ENTREP2: variants seen among roughly 807,000 people sequenced by gnomAD.
ENTREP2 encodes the protein protein ENTREP2.
the ENTREP2 span, among the ~76,000 whole-genome samples, chr15:29,421,893 C>CG: frequency 2.6e-5 from 4 of 152,178 alleles, no homozygotes; most frequent in African/African-American, 9.7e-5. Context: ...TCATGAGTAA[C>CG]GGACTCTAAG....
the ENTREP2 span, among the ~76,000 whole-genome samples, chr15:29,294,138 T>C: frequency 6.6e-6 from 1 of 151,470 alleles, no homozygotes; most frequent in East Asian, 1.9e-4. Flanking sequence ...AGACTTAGGG[T>C]GGGTATGGGC....
chr15:29,534,287 C>T, the ENTREP2 span, among the ~76,000 whole-genome samples: 1 of 152,056 alleles, frequency 6.6e-6, no homozygotes, highest in East Asian at 1.9e-4. Context: ...GAGAAATACA[C>T]ACTAAAAAGG....
chr15:29,565,296 C>T, the ENTREP2 span, among the ~76,000 whole-genome samples: 1 of 152,110 alleles, frequency 6.6e-6, no homozygotes, highest in Non-Finnish European at 1.5e-5. Context: ...GGTGGATGTG[C>T]CTACATTCTT....
the ENTREP2 span, among the ~76,000 whole-genome samples, chr15:29,414,979 A>G: frequency 9.3e-4 from 142 of 152,338 alleles, no homozygotes; most frequent in Middle Eastern, 6.8e-3. Flanking sequence ...TAGACAAATA[A>G]TAACAGGCTC....
the ENTREP2 span, among the ~76,000 whole-genome samples, chr15:29,638,312 A>C: frequency 2.2e-4 from 34 of 152,274 alleles, no homozygotes; most frequent in Admixed American, 2.0e-3. Context: ...GTGGGGGTTT[A>C]TCCTGAACAC....
At chr15:29,257,688 A>G in the ENTREP2 span, among the ~76,000 whole-genome samples, 1 of 152,194 alleles carries the variant, frequency 6.6e-6, no homozygotes, top group African/African-American at 2.4e-5. Flanking sequence ...GCTAAATTAA[A>G]TTTAGGAAAA....
At chr15:29,351,348 A>T in the ENTREP2 span, among the ~76,000 whole-genome samples, 1 of 152,228 alleles carries the variant, frequency 6.6e-6, no homozygotes, top group Non-Finnish European at 1.5e-5. Context: ...ACCATTATAG[A>T]CATCATTATG....
the ENTREP2 span, among the ~76,000 whole-genome samples, chr15:29,208,829 C>T: frequency 6.6e-6 from 1 of 152,050 alleles, no homozygotes; most frequent in East Asian, 1.9e-4. Context: ...AACAAAACTG[C>T]GAGGTACTCA....
At chr15:29,674,140 G>GGGGGTGGT in the ENTREP2 span, among the ~76,000 whole-genome samples, 1 of 148,816 alleles carries the variant, frequency 6.7e-6, no homozygotes, top group African/African-American at 2.5e-5. Context: ...GGGGGGGGGG[G>GGGGGTGGT]GGGCTTTGCC....
At chr15:29,671,275 A>G in the ENTREP2 span, among the ~76,000 whole-genome samples, 4 of 152,106 alleles carry the variant, frequency 2.6e-5, no homozygotes, top group Admixed American at 6.5e-5. Context: ...ATGGTAATAA[A>G]CTGGTAATAG....
chr15:29,619,563 G>C, the ENTREP2 span, among the ~76,000 whole-genome samples: 1 of 152,020 alleles, frequency 6.6e-6, no homozygotes, highest in Admixed American at 6.5e-5. Flanking sequence ...GTGCCTACAC[G>C]CTTATCCAGT....
At chr15:29,150,664 C>G in the ENTREP2 span, among the ~76,000 whole-genome samples, 1 of 152,036 alleles carries the variant, frequency 6.6e-6, no homozygotes, top group Non-Finnish European at 1.5e-5. Context: ...GGATATACAC[C>G]GGGAGGGAGA....
At chr15:29,134,174 T>G in the ENTREP2 span, among the ~76,000 whole-genome samples, 1 of 152,192 alleles carries the variant, frequency 6.6e-6, no homozygotes, top group Non-Finnish European at 1.5e-5. Flanking sequence ...GAATTATTTT[T>G]ATCATAAATG....
chr15:29,610,314 C>T, the ENTREP2 span: 2 of 150,544 alleles, frequency 1.3e-5, no homozygotes, highest in African/African-American at 2.4e-5. Context: ...GTCAGCTGTC[C>T]ATTTGGTCAT....
At chr15:29,423,949 G>A in the ENTREP2 span, among the ~76,000 whole-genome samples, 170 of 152,260 alleles carry the variant, frequency 1.1e-3, 1 homozygote, top group African/African-American at 3.8e-3. Flanking sequence ...CATTGTGTCC[G>A]CAATTTATTC....
the ENTREP2 span, among the ~76,000 whole-genome samples, chr15:29,491,400 G>A: frequency 4.6e-5 from 7 of 152,176 alleles, no homozygotes; most frequent in African/African-American, 1.4e-4. Flanking sequence ...GAGAGTGAGC[G>A]AGCGAGCACT....
the ENTREP2 span, among the ~76,000 whole-genome samples, chr15:29,229,601 A>G: frequency 6.6e-6 from 1 of 152,192 alleles, no homozygotes; most frequent in Non-Finnish European, 1.5e-5. Context: ...AGGATTTCCC[A>G]GACCTTTTGG....
At chr15:29,600,043 G>C in the ENTREP2 span, among the ~76,000 whole-genome samples, 5 of 152,136 alleles carry the variant, frequency 3.3e-5, no homozygotes, top group African/African-American at 1.2e-4. Context: ...TAACACCTGA[G>C]AGGCGATGTT....
At chr15:29,285,718 A>T in the ENTREP2 span, among the ~76,000 whole-genome samples, 1 of 152,216 alleles carries the variant, frequency 6.6e-6, no homozygotes, top group Non-Finnish European at 1.5e-5. Context: ...TTATGAAGGA[A>T]GTTTAACCTC....
Sources: gnomAD v4.1 joint callset for allele counts (sites outside exome capture counted in the v4.1 genomes callset) on GRCh38, gnomAD v4.1.1 for gene constraint, MANE v1.5 for transcripts, NCBI Gene and HGNC (gene_info 2026-07-23, HGNC 2026-07-21) for gene names.